The following ARHGEF26 variants were observed in gnomAD, a reference collection of about 807,000 sequenced individuals.
The protein encoded by ARHGEF26 is Rho guanine nucleotide exchange factor (GEF) 26.
In ARHGEF26, 59 loss-of-function variants were observed where a neutral mutation model predicts 89.4. The observed-to-expected ratio is 0.66, with a 90% confidence interval of 0.54 to 0.82. ARHGEF26 has a LOEUF of 0.82. ARHGEF26 is among the 40% of genes least tolerant of loss of function. ARHGEF26 has a pLI of 0.00. For synonymous variants in ARHGEF26, 500 were observed against 428.4 expected, an observed-to-expected ratio of 1.17 and a Z score of -2.06; for missense variants, 1,234 against 1,085.6, an observed-to-expected ratio of 1.14 and a Z score of -1.92.
Position 154,123,083 on chromosome 3 carries a change from T to G in ARHGEF26, c.1083+8T>G, listed in dbSNP as rs1411261176. On this transcript the variant is annotated splice_region_variant and intron_variant, in intron 2 of 14. Coordinates refer to ENST00000465093, the MANE Select transcript of ARHGEF26 (RefSeq NM_015595.4). ...AGTCTGGGAAGGATAAAGGTAAAAGTGGGCAGGAGTGTGGCACGCCATTCA... is the reference window on the plus strand; with the variant it reads ...AGTCTGGGAAGGATAAAGGTAAAAGGGGGCAGGAGTGTGGCACGCCATTCA... The G allele has an allele frequency of 6.2e-7, 1 of 1,612,644 alleles. No individual in the cohort carries two copies. Among genetic ancestry groups the G allele is most frequent in the Non-Finnish European group, 8.5e-7 (1 of 1,179,002 alleles).
At position 154,134,579 on chromosome 3, in the gene ARHGEF26, T is replaced by C. The variant is rs1218699657; in HGVS notation, c.1269+4860T>C. 5.9e-5 allele frequency among the ~76,000 whole-genome samples: 9 copies of C among 152,080 alleles called. 1 individual carries two copies. Among genetic ancestry groups the C allele is most frequent in the Non-Finnish European group, 1.3e-4 (9 of 68,008 alleles). Reference sequence around the variant, plus strand: ...ACATGTGGGAATTCAATATGAGATTTGGGCAGGGAAACAGACAAACCATAT... The same window carrying C: ...ACATGTGGGAATTCAATATGAGATTCGGGCAGGGAAACAGACAAACCATAT... On this transcript the variant is annotated intron_variant, in intron 4 of 14. Coordinates refer to ENST00000465093, the MANE Select transcript of ARHGEF26 (RefSeq NM_015595.4).
Position 154,152,866 on chromosome 3 carries a change from CA to C in ARHGEF26, c.1423del (p.Met475Ter). On this transcript the variant is annotated frameshift_variant, in exon 6 of 15. Transcript: ENST00000465093. LOFTEE classifies it high-confidence loss of function. ...MFKNSKELSD[T>X]MTKTERHHLF... ...AAAAATTCTAAAGAACTGAGTGATA[CA>C]ATGACTAAAACCGAGAGGCACCATC... 6.3e-7 allele frequency: 1 copy of C among 1,595,774 alleles called. No homozygotes were observed. The highest frequency in any genetic ancestry group is 8.5e-7 in the Non-Finnish European group (1 of 1,170,762).
At chr3:154,150,948 T>G (rs558190532) in intron 5 of ARHGEF26, among the ~76,000 whole-genome samples, 1 of 152,234 alleles carries the variant, frequency 6.6e-6, no homozygotes, top group African/African-American at 2.4e-5. Flanking sequence ...CTTATTATAA[T>G]AAACTGCCAA....
chr3:154,219,731 G>A (rs780887836), intron 10 of ARHGEF26, among the ~76,000 whole-genome samples: 3 of 151,856 alleles, frequency 2.0e-5, no homozygotes, highest in Admixed American at 6.6e-5. Context: ...GGCTAACACA[G>A]TGAAACCCCT....
chr3:154,187,418 A>G (rs1272993517), intron 6 of ARHGEF26, among the ~76,000 whole-genome samples: 1 of 140,632 alleles, frequency 7.1e-6, no homozygotes, highest in Admixed American at 7.2e-5. Flanking sequence ...CTTGTCTTGA[A>G]CTCCTGGCCT....
rs111930394 is a variant in ARHGEF26, at chr3:154,237,218, C to T, written c.2091-3152C>T. Among the ~76,000 whole-genome samples the T allele has an allele frequency of 3.5e-3, 537 of 152,064 alleles. 4 individuals are homozygous for T. The highest frequency in any genetic ancestry group is 0.012 in the African/African-American group (516 of 41,486). On this transcript the variant is annotated intron_variant, in intron 11 of 14. Transcript: ENST00000465093. ...AAAAGTATCTACTTCTGTCTTTATC[C>T]CCCAAAGACAAGAAATTAAAGCATT... is the stretch of plus-strand genomic sequence containing the variant.
Position 154,152,806 on chromosome 3 carries a change from A to G in ARHGEF26, c.1361A>G (p.Tyr454Cys), listed in dbSNP as rs1331520968. 5.8e-6 allele frequency: 9 copies of G among 1,558,216 alleles called. No homozygotes were observed. The highest frequency in any genetic ancestry group is 7.8e-6 in the Non-Finnish European group (9 of 1,150,176). The change falls in exon 6 of 15, where the codon TAT becomes TGT. Residue 454 changes from tyrosine to cysteine, a missense_variant. Tyr to Cys is a radical substitution (Grantham distance 194, BLOSUM62 -2). Coordinates refer to ENST00000465093, the MANE Select transcript of ARHGEF26 (RefSeq NM_015595.4). Reference protein sequence around the residue: ...IFEVISSEHSYLLSLEILIRM... With the variant: ...IFEVISSEHSCLLSLEILIRM... Reference sequence around the variant, plus strand: ...GAAGTCATATCCTCTGAACATTCATATTTACTCAGCTTGGAGATCTTGATA... The same window carrying G: ...GAAGTCATATCCTCTGAACATTCATGTTTACTCAGCTTGGAGATCTTGATA...
intron 4 of ARHGEF26, among the ~76,000 whole-genome samples, chr3:154,145,831 A>G (rs544042741): frequency 7.2e-5 from 11 of 152,334 alleles, no homozygotes; most frequent in South Asian, 2.1e-4. Flanking sequence ...TGAGGGATCT[A>G]TTTGGGGCTT....
chr3:154,191,320 T>C lies in ARHGEF26; in HGVS notation c.1672T>C (p.Ser558Pro), dbSNP rs1296574692. 1.9e-6 allele frequency: 3 copies of C among 1,613,154 alleles called. No individual in the cohort carries two copies. The South Asian group carries it at 3.3e-5, about 18-fold the overall frequency. The change falls in exon 8 of 15, where the codon TCA (serine) becomes CCA (proline). Residue 558 changes from serine to proline, a missense_variant. Coordinates refer to ENST00000465093, the MANE Select transcript of ARHGEF26 (RefSeq NM_015595.4). ...ATNPSFKEVL[S>P]RIESHEDCRN... ...CAATCCATCCTTTAAGGAAGTATTGTCAAGGATTGAGTCCCATGAAGACTG... is the reference window on the plus strand; with the variant it reads ...CAATCCATCCTTTAAGGAAGTATTGCCAAGGATTGAGTCCCATGAAGACTG...
chr3:154,201,121 T>C (rs1245590510), intron 9 of ARHGEF26, among the ~76,000 whole-genome samples: 2 of 152,116 alleles, frequency 1.3e-5, no homozygotes, highest in African/African-American at 4.8e-5. Flanking sequence ...TCATTTAATA[T>C]TAGGTTTATC....
chr3:154,143,899 T>G (rs1230864196), intron 4 of ARHGEF26, among the ~76,000 whole-genome samples: 1 of 152,244 alleles, frequency 6.6e-6, no homozygotes, highest in Admixed American at 6.5e-5. Context: ...ACATGAGAAC[T>G]GCATCTCTTG....
intron 4 of ARHGEF26, among the ~76,000 whole-genome samples, chr3:154,139,808 C>T (rs1476626065): frequency 1.3e-5 from 2 of 152,104 alleles, no homozygotes; most frequent in Non-Finnish European, 2.9e-5. Flanking sequence ...GATTATTAGC[C>T]TGTACTCTAA....
At chr3:154,217,753 C>A in intron 9 of ARHGEF26, 116 bp from the exon 10 acceptor site, 1 of 752,696 alleles carries the variant, frequency 1.3e-6, no homozygotes, top group Non-Finnish European at 2.3e-6. Context: ...AGTTCTCTGT[C>A]AGAAATGAAT....
At position 154,186,165 on chromosome 3, in the gene ARHGEF26, A is replaced by ACACACACACC. The variant is rs766757043; in HGVS notation, c.1488-1519_1488-1518insACACACACCC. Among the ~76,000 whole-genome samples the ACACACACACC allele has an allele frequency of 4.0e-3, 601 of 150,242 alleles. 1 individual carries two copies. Among genetic ancestry groups the ACACACACACC allele is most frequent in the Non-Finnish European group, 6.3e-3 (425 of 67,540 alleles). On this transcript the variant is annotated intron_variant, in intron 6 of 14. Coordinates refer to ENST00000465093, the MANE Select transcript of ARHGEF26 (RefSeq NM_015595.4). ...CACACACACACACACACACACACAC[A>ACACACACACC]CCCCTATACACATACTATTGTACAG...
chr3:154,215,862 G>A (rs1042967296), intron 9 of ARHGEF26, among the ~76,000 whole-genome samples: 1 of 152,042 alleles, frequency 6.6e-6, no homozygotes, highest in Non-Finnish European at 1.5e-5. Flanking sequence ...CTGAGGTTAG[G>A]ATTTCAACAT....
chr3:154,167,366 C>T (rs1712109610), intron 6 of ARHGEF26, among the ~76,000 whole-genome samples: 1 of 152,130 alleles, frequency 6.6e-6, no homozygotes, highest in Admixed American at 6.6e-5. Flanking sequence ...TAAAGTAGGA[C>T]CTTGGCCTGG....
At chr3:154,128,212 C>T (rs1460005817) in intron 3 of ARHGEF26, among the ~76,000 whole-genome samples, 1 of 152,298 alleles carries the variant, frequency 6.6e-6, no homozygotes, top group East Asian at 1.9e-4. Context: ...CAAGGCCCTA[C>T]ATGATCAGCC....
chr3:154,213,849 G>A (rs560565424), intron 9 of ARHGEF26, among the ~76,000 whole-genome samples: 1 of 152,250 alleles, frequency 6.6e-6, no homozygotes, highest in South Asian at 2.1e-4. Context: ...TCTGAAGGTG[G>A]TTTGTTTATG....
At position 154,254,739 on chromosome 3, in the gene ARHGEF26, C is replaced by G. The variant is rs761675586; in HGVS notation, c.2388C>G (p.Ile796Met). ...CCTCAGCACTGACCCAGGTGGAAAT[C>G]GTTAGGTCATTTACTGCTAAGCAGC... is the stretch of plus-strand genomic sequence containing the variant. ...ADRTSLTQVE[I>M]VRSFTAKQPD... Residue 796 changes from isoleucine to methionine, a missense_variant, in exon 14 of 15, where the codon ATC (isoleucine) becomes ATG (methionine). Coordinates refer to ENST00000465093, the MANE Select transcript of ARHGEF26 (RefSeq NM_015595.4). 3 of 1,613,830 alleles carry G rather than the reference C, an allele frequency of 1.9e-6. No homozygotes were observed. The East Asian group carries it at 6.7e-5, about 36-fold the overall frequency.
Sources: gnomAD v4.1 joint callset for allele counts (sites outside exome capture counted in the v4.1 genomes callset) on GRCh38, gnomAD v4.1.1 for gene constraint, MANE v1.5 for transcripts, NCBI Gene and HGNC (gene_info 2026-07-23, HGNC 2026-07-21) for gene names.